Variants in NDST3 observed in about 807,000 individuals in gnomAD.
NDST3 encodes the protein bifunctional heparan sulfate N-deacetylase/N-sulfotransferase 3.
Under a neutral mutation model 96.1 loss-of-function variants are expected in NDST3, and 58 were observed. The observed-to-expected ratio is 0.60, with a 90% CI of 0.49 to 0.75. The LOEUF (loss-of-function observed/expected upper bound fraction) is 0.75. Ranked by LOEUF, NDST3 falls within the 30% of genes least tolerant of loss-of-function variation. NDST3 has a pLI of 0.00. For missense variants in NDST3, 788 were observed against 1,034.2 expected, an observed-to-expected ratio of 0.76 and a Z score of 3.27; for synonymous variants, 333 against 359.7, an observed-to-expected ratio of 0.93 and a Z score of 0.84.
chr4:118,141,915 TTCCAC>T (rs1733601751), intron 5 of NDST3, among the ~76,000 whole-genome samples: 1 of 152,124 alleles, frequency 6.6e-6, no homozygotes, highest in Non-Finnish European at 1.5e-5. Flanking sequence ...CCATAGCTAG[TTCCAC>T]TAGCACTTAA....
intron 6 of NDST3, among the ~76,000 whole-genome samples, chr4:118,198,442 A>C (rs934980109): frequency 1.3e-5 from 2 of 152,208 alleles, no homozygotes; most frequent in Admixed American, 6.5e-5. Context: ...AAGAAAATTT[A>C]CAAAGACTTC....
intron 3 of NDST3, among the ~76,000 whole-genome samples, chr4:118,108,913 T>A (rs1423741163): frequency 6.6e-6 from 1 of 152,202 alleles, no homozygotes; most frequent in Non-Finnish European, 1.5e-5. Flanking sequence ...CATGATTATG[T>A]TTGACTTTGT....
Position 118,184,602 on chromosome 4 carries a change from TACACAC to T in NDST3, c.1540-39853_1540-39848del, listed in dbSNP as rs562099266. On this transcript the variant is annotated intron_variant, in intron 6 of 13. Transcript: ENST00000296499. ...CTCCCTTTGTCTCTCTCTCTCTCTC[TACACAC>T]ACACACACACACACACACACACACA... 5.9e-3 allele frequency among the ~76,000 whole-genome samples: 824 copies of T among 138,570 alleles called. 6 individuals are homozygous for T. The highest frequency in any genetic ancestry group is 0.019 in the African/African-American group (730 of 37,444). The allele number at this position is 138,570 out of a possible 152,430, so 90.9% of individuals were successfully genotyped here. A position where few individuals can be genotyped will look rare whatever the true frequency, so the allele number is the denominator to read the frequency against.
intron 12 of NDST3, among the ~76,000 whole-genome samples, chr4:118,249,994 A>G (rs961461851): frequency 6.6e-6 from 1 of 152,222 alleles, no homozygotes; most frequent in Non-Finnish European, 1.5e-5. Flanking sequence ...TTCACTTAGC[A>G]TAATGATTCT....
At chr4:118,148,415 C>A (rs1578727583) in intron 6 of NDST3, among the ~76,000 whole-genome samples, 2 of 152,308 alleles carry the variant, frequency 1.3e-5, no homozygotes, top group South Asian at 4.1e-4. Context: ...GAACCATTAG[C>A]TAACCCCTTT....
At chr4:118,200,522 A>G (rs1005555915) in intron 6 of NDST3, among the ~76,000 whole-genome samples, 1 of 152,202 alleles carries the variant, frequency 6.6e-6, no homozygotes, top group East Asian at 1.9e-4. Flanking sequence ...GTACCGTGAG[A>G]GCCTACTTGG....
chr4:118,077,167 C>T (rs1727615704), intron 2 of NDST3, among the ~76,000 whole-genome samples: 1 of 152,132 alleles, frequency 6.6e-6, no homozygotes, highest in South Asian at 2.1e-4. Context: ...GCAGGAAGGG[C>T]CAATGTGTTC....
At chr4:118,155,727 T>C (rs1423349261) in intron 6 of NDST3, among the ~76,000 whole-genome samples, 1 of 152,164 alleles carries the variant, frequency 6.6e-6, no homozygotes, top group African/African-American at 2.4e-5. Flanking sequence ...GTTTACAGTT[T>C]CAGTTTCCAA....
chr4:118,142,420 T>A (rs560552904), intron 5 of NDST3, among the ~76,000 whole-genome samples: 1 of 151,948 alleles, frequency 6.6e-6, no homozygotes, highest in South Asian at 2.1e-4. Flanking sequence ...GACGAAAATT[T>A]ATTTTAATAC....
chr4:118,255,472 T>C (rs1742056740), intron 13 of NDST3, 121 bp from the exon 14 acceptor site: 1 of 1,028,702 alleles, frequency 9.7e-7, no homozygotes, highest in African/African-American at 1.6e-5. Flanking sequence ...AAATAGTCCA[T>C]ATGCTTAATA....
intron 4 of NDST3, among the ~76,000 whole-genome samples, chr4:118,124,464 T>C (rs779975004): frequency 1.3e-5 from 2 of 152,118 alleles, no homozygotes; most frequent in Non-Finnish European, 1.5e-5. Context: ...TTAGTTTTAT[T>C]ACCCTTACTT....
At chr4:118,177,572 T>C (rs1368635912) in intron 6 of NDST3, among the ~76,000 whole-genome samples, 3 of 152,028 alleles carry the variant, frequency 2.0e-5, no homozygotes, top group Admixed American at 1.3e-4. Context: ...ACCCTATAGA[T>C]TTTTCCACCA....
intron 2 of NDST3, among the ~76,000 whole-genome samples, chr4:118,072,433 A>G (rs1174943143): frequency 6.6e-6 from 1 of 152,010 alleles, no homozygotes; most frequent in Non-Finnish European, 1.5e-5. Flanking sequence ...CTCCTTGTAG[A>G]AATCTTTGAC....
chr4:118,059,110 T>C (rs1258722038), intron 2 of NDST3, among the ~76,000 whole-genome samples: 2 of 152,066 alleles, frequency 1.3e-5, no homozygotes, highest in African/African-American at 4.8e-5. Flanking sequence ...CTGTAATAGG[T>C]ACACATTCCT....
chr4:118,047,538 A>T (rs549086342), intron 1 of NDST3, among the ~76,000 whole-genome samples: 50 of 152,348 alleles, frequency 3.3e-4, no homozygotes, highest in Non-Finnish European at 6.5e-4. Flanking sequence ...TGAAATATCC[A>T]TTTTAAAAAC....
At chr4:118,034,647 G>A (rs1267358505) in intron 1 of NDST3, 55 bp downstream of exon 1, 1 of 152,008 alleles carries the variant, frequency 6.6e-6, no homozygotes, top group Non-Finnish European at 1.5e-5. Context: ...ATAAATGTAG[G>A]GGCTTTTAAG....
At chr4:118,039,183 A>G (rs1724309606) in intron 1 of NDST3, among the ~76,000 whole-genome samples, 1 of 152,204 alleles carries the variant, frequency 6.6e-6, no homozygotes, top group African/African-American at 2.4e-5. Flanking sequence ...CTCAGAATGG[A>G]AAAAATAAGT....
chr4:118,132,937 C>T (rs1732756832), intron 4 of NDST3, among the ~76,000 whole-genome samples: 1 of 152,142 alleles, frequency 6.6e-6, no homozygotes, highest in Non-Finnish European at 1.5e-5. Flanking sequence ...ATCCAAGATG[C>T]AAGACAACGT....
intron 12 of NDST3, among the ~76,000 whole-genome samples, chr4:118,252,152 T>G (rs1269064495): frequency 6.6e-6 from 1 of 152,218 alleles, no homozygotes; most frequent in Non-Finnish European, 1.5e-5. Flanking sequence ...GGCAATATAA[T>G]TATTGAATAA....
Sources: gnomAD v4.1 joint callset for allele counts (sites outside exome capture counted in the v4.1 genomes callset) on GRCh38, gnomAD v4.1.1 for gene constraint, MANE v1.5 for transcripts, NCBI Gene and HGNC (gene_info 2026-07-23, HGNC 2026-07-21) for gene names.